BICD1: variants seen among roughly 807,000 people sequenced by gnomAD.
BICD1 encodes BICD cargo adaptor 1.
A neutral mutation model predicts 92.5 loss-of-function variants in BICD1; 35 were observed. The observed-to-expected ratio is 0.38, with a 90% CI of 0.29 to 0.50. The LOEUF (loss-of-function observed/expected upper bound fraction) is 0.50. Ranked by LOEUF, BICD1 falls within the 20% of genes least tolerant of loss-of-function variation. The pLI, the probability that BICD1 is intolerant of heterozygous loss-of-function variation, is 0.93. For synonymous variants in BICD1, 429 were observed against 465.1 expected (o/e 0.92, Z 1.00); for missense variants, 950 against 1,189.8 (o/e 0.80, Z 2.97).
chr12:32,256,443 C>A (rs140048497), intron 2 of BICD1, among the ~76,000 whole-genome samples: 180 of 152,256 alleles, frequency 1.2e-3, no homozygotes, highest in East Asian at 8.1e-3. Context: ...TAAAACCGAA[C>A]CTTAAGGAGG....
intron 1 of BICD1, among the ~76,000 whole-genome samples, chr12:32,165,833 A>T (rs1016892430): frequency 1.3e-5 from 2 of 152,204 alleles, no homozygotes; most frequent in Non-Finnish European, 2.9e-5. Flanking sequence ...TCAAAAGCAA[A>T]ACATGATAAA....
At chr12:32,224,281 C>T (rs1945619841) in intron 2 of BICD1, among the ~76,000 whole-genome samples, 1 of 152,142 alleles carries the variant, frequency 6.6e-6, no homozygotes, top group Non-Finnish European at 1.5e-5. Context: ...ATGCAGTGCA[C>T]CAAACAGTGA....
intron 4 of BICD1, among the ~76,000 whole-genome samples, chr12:32,326,957 T>C (rs553260043): frequency 6.6e-6 from 1 of 152,220 alleles, no homozygotes; most frequent in Non-Finnish European, 1.5e-5. Context: ...AGGGGATGGT[T>C]AAAGTACTCA....
chr12:32,285,858 G>T (rs918932290), intron 2 of BICD1, among the ~76,000 whole-genome samples: 2 of 152,192 alleles, frequency 1.3e-5, no homozygotes, highest in Admixed American at 1.3e-4. Flanking sequence ...AAAATTGTAG[G>T]AGATAAATGT....
intron 1 of BICD1, among the ~76,000 whole-genome samples, chr12:32,183,860 T>C (rs1389547023): frequency 6.6e-6 from 1 of 152,132 alleles, no homozygotes; most frequent in African/African-American, 2.4e-5. Flanking sequence ...TGAGGCCCTT[T>C]GTTTTGGGTT....
chr12:32,306,456 G>A (rs1948225097), intron 4 of BICD1, among the ~76,000 whole-genome samples: 1 of 151,898 alleles, frequency 6.6e-6, no homozygotes, highest in Non-Finnish European at 1.5e-5. Flanking sequence ...GTATTAGCCA[G>A]GATGGTCTCG....
intron 1 of BICD1, among the ~76,000 whole-genome samples, chr12:32,156,048 G>T (rs146297061): frequency 1.1e-3 from 167 of 152,320 alleles, no homozygotes; most frequent in African/African-American, 3.8e-3. Flanking sequence ...CCCTGCTGTT[G>T]CTGCCCATTG....
intron 2 of BICD1, among the ~76,000 whole-genome samples, chr12:32,228,381 G>A (rs141413736): frequency 2.0e-5 from 3 of 152,112 alleles, no homozygotes; most frequent in Admixed American, 6.5e-5. Context: ...CTGCTCTATT[G>A]ATCTGTGTGT....
chr12:32,123,156 G>T (rs1942215288), intron 1 of BICD1, among the ~76,000 whole-genome samples: 1 of 152,188 alleles, frequency 6.6e-6, no homozygotes, highest in South Asian at 2.1e-4. Flanking sequence ...ATGTGAAGTG[G>T]AAGAAGGTTA....
intron 2 of BICD1, among the ~76,000 whole-genome samples, chr12:32,240,097 C>A (rs1482846387): frequency 1.3e-5 from 2 of 152,084 alleles, no homozygotes; most frequent in African/African-American, 4.8e-5. Flanking sequence ...CCAAGATATG[C>A]CTGTACTGAA....
intron 4 of BICD1, among the ~76,000 whole-genome samples, chr12:32,310,995 C>G (rs1948359467): frequency 6.6e-6 from 1 of 151,904 alleles, no homozygotes; most frequent in Admixed American, 6.6e-5. Context: ...TTTATTTAAC[C>G]TGGTTCCAGG....
intron 2 of BICD1, among the ~76,000 whole-genome samples, chr12:32,242,060 C>A (rs1459517146): frequency 2.0e-5 from 3 of 149,730 alleles, no homozygotes; most frequent in African/African-American, 7.5e-5. Flanking sequence ...AACAAAAAAA[C>A]AAAAATTAGC....
intron 4 of BICD1, among the ~76,000 whole-genome samples, chr12:32,322,725 T>C (rs1428420710): frequency 2.0e-5 from 3 of 152,214 alleles, no homozygotes; most frequent in Non-Finnish European, 4.4e-5. Context: ...CTTACCTTTT[T>C]AGGCTTAGAA....
chr12:32,167,911 TC>T (rs139980209), intron 1 of BICD1, among the ~76,000 whole-genome samples: 15,494 of 152,226 alleles, frequency 0.1, 1,090 homozygotes, highest in Middle Eastern at 0.22. Flanking sequence ...CTTTTTGACT[TC>T]AGTGAAGTTT....
Position 32,313,456 on chromosome 12 carries a change from T to C in BICD1, c.1005+7334T>C, listed in dbSNP as rs969859005. Among the ~76,000 whole-genome samples the C allele has an allele frequency of 3.9e-5, 6 of 152,218 alleles. No homozygotes were observed. Among genetic ancestry groups the C allele is most frequent in the African/African-American group, 1.4e-4 (6 of 41,460 alleles). On this transcript the variant is annotated intron_variant, in intron 4 of 9. Transcript: ENST00000652176. This position sits in a 1 kb window ranked among gnomAD's most constrained non-coding sequence, Gnocchi z 4.2. ...GGGAAACTGAGGCATGACTGTGTTA[T>C]GTCATTAGTTCAAGGTCAAAAATCT...
chr12:32,197,696 G>T (rs1448674830), intron 1 of BICD1, among the ~76,000 whole-genome samples: 1 of 152,168 alleles, frequency 6.6e-6, no homozygotes, highest in African/African-American at 2.4e-5. Flanking sequence ...CACATCTGAA[G>T]ATATTATAAA....
chr12:32,346,041 C>T (rs1270808819), intron 8 of BICD1, among the ~76,000 whole-genome samples: 1 of 152,056 alleles, frequency 6.6e-6, no homozygotes, highest in Non-Finnish European at 1.5e-5. Context: ...CTCAGCTACT[C>T]AGGAGGCTGA....
intron 1 of BICD1, among the ~76,000 whole-genome samples, chr12:32,139,906 G>T (rs890104327): frequency 3.3e-4 from 50 of 152,154 alleles, no homozygotes; most frequent in African/African-American, 1.2e-3. Context: ...AAACTTGTTG[G>T]CGTGTTTCAG....
intron 9 of BICD1, among the ~76,000 whole-genome samples, chr12:32,375,084 A>G (rs1442939943): frequency 6.7e-6 from 1 of 148,878 alleles, no homozygotes; most frequent in African/African-American, 2.5e-5. Flanking sequence ...ACGCCCAGCT[A>G]ATTTTTTTTT....
Sources: allele counts gnomAD v4.1 joint callset (sites outside exome capture counted in the v4.1 genomes callset), GRCh38; gene constraint gnomAD v4.1.1; non-coding constraint Gnocchi (gnomAD v3.1); transcripts MANE v1.5; gene names NCBI Gene and HGNC (gene_info 2026-07-23, HGNC 2026-07-21).